Variants in ADGRV1 observed in about 807,000 individuals in gnomAD.
The protein encoded by ADGRV1 is adhesion G protein-coupled receptor V1.
ADGRV1 carries 359 observed loss-of-function variants against 596.2 expected under a neutral mutation model. The ratio of observed to expected loss-of-function variants is 0.60; its 90% confidence interval spans 0.55 to 0.66. The LOEUF is 0.66. Ranked by LOEUF, ADGRV1 falls within the 30% of genes least tolerant of loss-of-function variation. ADGRV1 has a pLI of 0.00. For synonymous variants in ADGRV1, 2,681 were observed against 2,679.2 expected (o/e 1.00, Z -0.02); for missense variants, 7,274 against 7,575.6 (o/e 0.96, Z 1.48).
At chr5:90,648,579 G>A (rs957620992) in intron 17 of ADGRV1, among the ~76,000 whole-genome samples, 1 of 152,140 alleles carries the variant, frequency 6.6e-6, no homozygotes, top group East Asian at 1.9e-4. Flanking sequence ...GTTCCACCTT[G>A]TGCCTTTTGG....
intron 50 of ADGRV1, among the ~76,000 whole-genome samples, chr5:90,740,047 A>C (rs1753766279): frequency 6.6e-6 from 1 of 152,184 alleles, no homozygotes; most frequent in Non-Finnish European, 1.5e-5. Flanking sequence ...AGATTCAGAT[A>C]ATTGCTGACC....
intron 83 of ADGRV1, among the ~76,000 whole-genome samples, chr5:90,917,594 A>G (rs982738180): frequency 3.3e-5 from 5 of 152,128 alleles, no homozygotes; most frequent in Admixed American, 6.6e-5. Context: ...GAATCTGCCA[A>G]ACTCCTGAGG....
chr5:90,569,353 TGATATATA>T (rs1437305177), intron 1 of ADGRV1, among the ~76,000 whole-genome samples: 4 of 79,392 alleles, frequency 5.0e-5, no homozygotes, highest in Non-Finnish European at 7.2e-5. Flanking sequence ...TCTGTTTGCA[TGATATATA>T]TATATATATA....
In ADGRV1 at chr5:90,779,071, A is replaced by G. The variant is rs1015832472; in HGVS notation, c.13056A>G (p.Thr4352=). The G allele has an allele frequency of 6.2e-7, 1 of 1,611,306 alleles. No homozygotes were observed. The highest frequency in any genetic ancestry group is 8.5e-7 in the Non-Finnish European group (1 of 1,177,718). The stretch of plus-strand genomic sequence containing the variant: ...AAGGCCCAGAGGAATTTTCTCTAAC[A>G]ATTACAAAGGTGGAACTCCAGGGAA... ...YPEGPEEFSL[T]ITKVELQGRG... The change falls in exon 64 of 90, where the codon ACA becomes ACG. Residue 4352 remains threonine, a synonymous_variant. Transcript: ENST00000405460.
chr5:91,129,684 CAG>C (rs1794049953), intron 87 of ADGRV1, among the ~76,000 whole-genome samples: 2 of 152,094 alleles, frequency 1.3e-5, no homozygotes, highest in Non-Finnish European at 2.9e-5. Context: ...CAAGAGGAGA[CAG>C]AATATAAGTT....
Position 90,614,870 on chromosome 5 carries a change from T to C in ADGRV1, c.58T>C (p.Ser20Pro). ...PSASLLVNLL[S>P]ALLILFVFGE... The stretch of plus-strand genomic sequence containing the variant: ...TGCATCTTTATTAGTAAATCTTCTT[T>C]CAGCTTTACTCATCCTATTTGTGTT... The change falls in exon 2 of 90, where the codon TCA becomes CCA. Residue 20 changes from serine to proline, a missense_variant. This residue lies in a region of ADGRV1 where 1,715 missense variants were observed against 1,708.8 expected (regional missense o/e 1.00). Coordinates refer to ENST00000405460, the MANE Select transcript of ADGRV1 (RefSeq NM_032119.4). 1 of 1,610,752 alleles carries C rather than the reference T, an allele frequency of 6.2e-7. No individual in the cohort carries two copies. Among genetic ancestry groups the C allele is most frequent in the South Asian group, 1.1e-5 (1 of 90,726 alleles).
chr5:90,743,247 A>T (rs1754188008), intron 50 of ADGRV1, among the ~76,000 whole-genome samples: 2 of 152,154 alleles, frequency 1.3e-5, no homozygotes, highest in African/African-American at 4.8e-5. Flanking sequence ...ATGCAAATTT[A>T]TTGATAGCCT....
intron 83 of ADGRV1, among the ~76,000 whole-genome samples, chr5:90,877,527 G>A (rs1769329334): frequency 6.6e-6 from 1 of 151,246 alleles, no homozygotes; most frequent in African/African-American, 2.4e-5. Context: ...CTGTACTACT[G>A]CGTATGGAGA....
At chr5:90,673,019 C>G (rs1772704460) in intron 22 of ADGRV1, 1 of 299,644 alleles carries the variant, frequency 3.3e-6, no homozygotes, top group Admixed American at 4.9e-5. Flanking sequence ...GGGGCCATGT[C>G]TAACCCCAGC....
intron 83 of ADGRV1, among the ~76,000 whole-genome samples, chr5:90,941,529 A>G (rs1209885904): frequency 2.6e-5 from 4 of 152,190 alleles, no homozygotes; most frequent in Admixed American, 2.6e-4. Flanking sequence ...CTAGGCAGCA[A>G]TCCAAAACTA....
At chr5:91,127,200 A>G (rs1031680919) in intron 87 of ADGRV1, among the ~76,000 whole-genome samples, 2 of 151,968 alleles carry the variant, frequency 1.3e-5, no homozygotes, top group East Asian at 1.9e-4. Context: ...TCCCTTGAAT[A>G]CTCTGCAGGC....
intron 78 of ADGRV1, among the ~76,000 whole-genome samples, chr5:90,842,102 A>G (rs1056455207): frequency 3.3e-5 from 5 of 152,226 alleles, no homozygotes; most frequent in Non-Finnish European, 7.3e-5. Flanking sequence ...GGAAGGAAAC[A>G]GGACCTCACT....
chr5:90,807,666 T>C lies in ADGRV1; in HGVS notation c.14901T>C (p.Pro4967=), dbSNP rs1762032375. Residue 4967 remains proline, a synonymous_variant, in exon 73 of 90, where the codon CCT becomes CCC. Transcript: ENST00000405460. The part of the protein sequence containing the change: ...KGVFLWTFPS[P]GWPEAFVLHL... The stretch of plus-strand genomic sequence containing the variant: ...TTTTCCTGTGGACGTTTCCTAGCCC[T>C]GGTTGGCCAGAGGCCTTTGTTCTTC... The C allele has an allele frequency of 6.2e-7, 1 of 1,612,662 alleles. No homozygotes were observed. The highest frequency in any genetic ancestry group is 8.5e-7 in the Non-Finnish European group (1 of 1,178,850).
In ADGRV1 at chr5:90,676,300, T is replaced by G; in HGVS notation, c.5443+91T>G. 7 of 1,136,020 alleles carry G rather than the reference T, an allele frequency of 6.2e-6. No individual in the cohort carries two copies. The South Asian group carries it at 1.1e-4, about 18-fold the overall frequency. The allele number at this position is 1,136,020 out of a possible 1,614,324, so 70.4% of individuals were successfully genotyped here. On this transcript the variant is annotated intron_variant, in intron 25 of 89. Transcript: ENST00000405460. ...CTTTAGGGAAGTAAGTTCCTTTGAA[T>G]TAATCTTACTTAAATAAATGAATAA...
chr5:90,827,008 A>G (rs986632333), intron 76 of ADGRV1, among the ~76,000 whole-genome samples: 4 of 152,224 alleles, frequency 2.6e-5, no homozygotes, highest in African/African-American at 4.8e-5. Flanking sequence ...GTAACAACTT[A>G]GGAAGCATGC....
intron 85 of ADGRV1, among the ~76,000 whole-genome samples, chr5:91,050,763 G>A (rs773847747): frequency 6.6e-6 from 1 of 152,202 alleles, no homozygotes; most frequent in Non-Finnish European, 1.5e-5. Flanking sequence ...AGGAGCTGAG[G>A]TGGGAGGATT....
intron 1 of ADGRV1, among the ~76,000 whole-genome samples, chr5:90,598,536 C>T (rs1041097781): frequency 3.9e-5 from 6 of 152,114 alleles, no homozygotes; most frequent in African/African-American, 4.8e-5. Context: ...TTGGGGCTAG[C>T]GAGGCACATG....
chr5:90,570,277 GCT>G (rs1561304985), intron 1 of ADGRV1, among the ~76,000 whole-genome samples: 1 of 152,086 alleles, frequency 6.6e-6, no homozygotes, highest in East Asian at 1.9e-4. Context: ...AGCCTCCTAG[GCT>G]AGAGGAGAAA....
chr5:91,106,136 TG>T (rs1791852455), intron 87 of ADGRV1, among the ~76,000 whole-genome samples: 1 of 152,100 alleles, frequency 6.6e-6, no homozygotes, highest in South Asian at 2.1e-4. Context: ...AGTTGGTTTT[TG>T]TATAGGGTGA....
Sources: allele counts gnomAD v4.1 joint callset (sites outside exome capture counted in the v4.1 genomes callset), GRCh38; gene constraint gnomAD v4.1.1; regional missense constraint gnomAD v4.1.1; transcripts MANE v1.5; gene names NCBI Gene and HGNC (gene_info 2026-07-23, HGNC 2026-07-21).